KCNIP4: variants seen among roughly 807,000 people sequenced by gnomAD.
KCNIP4 encodes the protein Kv channel-interacting protein 4.
A neutral mutation model predicts 34.0 loss-of-function variants in KCNIP4; 12 were observed. The ratio of observed to expected loss-of-function variants is 0.35; its 90% CI spans 0.23 to 0.57. The LOEUF is 0.57. KCNIP4 is among the 20% of genes least tolerant of loss of function. KCNIP4 has a pLI of 0.83. For missense variants in KCNIP4, 238 were observed against 311.7 expected (o/e 0.76, Z 1.78); for synonymous variants, 124 against 102.2 (o/e 1.21, Z -1.29).
intron 1 of KCNIP4, among the ~76,000 whole-genome samples, chr4:21,794,604 A>C (rs944687162): frequency 6.6e-6 from 1 of 152,088 alleles, no homozygotes; most frequent in African/African-American, 2.4e-5. Flanking sequence ...AAACTCACTG[A>C]GACAGCCGGG....
chr4:21,720,530 C>CCCCCA (rs1714743103), intron 1 of KCNIP4, among the ~76,000 whole-genome samples: 1 of 140,338 alleles, frequency 7.1e-6, no homozygotes, highest in African/African-American at 2.6e-5. Context: ...TGTTTTTTTT[C>CCCCCA]TTTTTTTTTT....
intron 1 of KCNIP4, among the ~76,000 whole-genome samples, chr4:21,486,142 T>TC (rs1731890391): frequency 6.6e-6 from 1 of 152,210 alleles, no homozygotes; most frequent in Non-Finnish European, 1.5e-5. Flanking sequence ...TTATTTACTT[T>TC]TTTAAAAATG....
chr4:21,207,734 G>A (rs552797211), intron 1 of KCNIP4, among the ~76,000 whole-genome samples: 4 of 151,666 alleles, frequency 2.6e-5, no homozygotes, highest in Admixed American at 2.6e-4. Context: ...ATGATTACAT[G>A]ACAGGAAGTC....
At chr4:21,768,309 GCT>G (rs765209270) in intron 1 of KCNIP4, among the ~76,000 whole-genome samples, 3 of 152,070 alleles carry the variant, frequency 2.0e-5, no homozygotes, top group Non-Finnish European at 2.9e-5. Context: ...TATAGATTCT[GCT>G]CTCTCTCTAA....
Position 21,738,754 on chromosome 4 carries a change from T to C in KCNIP4, c.61+209817A>G, listed in dbSNP as rs116337353. ...CAAGGTCTATGCATTTGTCTGGCCA[T>C]TTCCCCTGTCTTCCCCACTTTCTTC... On this transcript the variant is annotated intron_variant, in intron 1 of 8. Coordinates refer to ENST00000382152, the MANE Select transcript of KCNIP4 (RefSeq NM_025221.6). Among the ~76,000 whole-genome samples the C allele has an allele frequency of 3.6e-3, 549 of 152,250 alleles. 2 individuals are homozygous for C. The highest frequency in any genetic ancestry group is 0.013 in the African/African-American group (520 of 41,556).
At chr4:21,576,668 T>A (rs1411201654) in intron 1 of KCNIP4, among the ~76,000 whole-genome samples, 1 of 152,186 alleles carries the variant, frequency 6.6e-6, no homozygotes, top group Non-Finnish European at 1.5e-5. Flanking sequence ...GACTTCAAAG[T>A]AATTTAAATT....
chr4:21,293,860 A>G (rs1442283399), intron 1 of KCNIP4, among the ~76,000 whole-genome samples: 1 of 152,138 alleles, frequency 6.6e-6, no homozygotes, highest in Non-Finnish European at 1.5e-5. Flanking sequence ...CTGTAGCTTA[A>G]TCTTCATTTA....
intron 1 of KCNIP4, among the ~76,000 whole-genome samples, chr4:21,780,255 A>C (rs1004570752): frequency 1.3e-5 from 2 of 152,192 alleles, no homozygotes; most frequent in African/African-American, 4.8e-5. Flanking sequence ...AGGCAGTACA[A>C]CACCAGGAAG....
At chr4:21,861,843 C>T (rs1463055391) in intron 1 of KCNIP4, among the ~76,000 whole-genome samples, 1 of 152,112 alleles carries the variant, frequency 6.6e-6, no homozygotes, top group Non-Finnish European at 1.5e-5. Context: ...GGTCATGTCA[C>T]TTTTCTGCTC....
At chr4:20,836,651 A>G (rs541780441) in intron 3 of KCNIP4, among the ~76,000 whole-genome samples, 95 of 152,200 alleles carry the variant, frequency 6.2e-4, no homozygotes, top group Admixed American at 2.7e-3. Context: ...CAACTGATTG[A>G]GTGAGCCCCA....
At chr4:21,925,255 C>A (rs184083834) in intron 1 of KCNIP4, among the ~76,000 whole-genome samples, 74 of 142,548 alleles carry the variant, frequency 5.2e-4, no homozygotes, top group Non-Finnish European at 8.9e-4. Context: ...CACAACAGTC[C>A]CTGGTGTGTG....
rs1048486829 is a variant in KCNIP4 at position 20,864,225 on chromosome 4, T to C, written c.164-13558A>G. Among the ~76,000 whole-genome samples the C allele has an allele frequency of 7.7e-4, 114 of 147,182 alleles. 1 individual carries two copies. The highest frequency in any genetic ancestry group is 5.3e-4 in the African/African-American group (21 of 39,538). ...GTACACACATGCATGTATATATGCATATATATGTACACATATGTATGTATA... is the reference window on the plus strand; with the variant it reads ...GTACACACATGCATGTATATATGCACATATATGTACACATATGTATGTATA... On this transcript the variant is annotated intron_variant, in intron 2 of 8. Coordinates refer to ENST00000382152, the MANE Select transcript of KCNIP4 (RefSeq NM_025221.6).
intron 3 of KCNIP4, among the ~76,000 whole-genome samples, chr4:20,794,184 A>T (rs928934660): frequency 6.6e-6 from 1 of 152,122 alleles, no homozygotes; most frequent in Non-Finnish European, 1.5e-5. Context: ...TCTCGGGTAT[A>T]TCTTTATCAG....
chr4:21,695,354 G>A (rs1430186502), intron 1 of KCNIP4, among the ~76,000 whole-genome samples: 1 of 151,850 alleles, frequency 6.6e-6, no homozygotes, highest in Non-Finnish European at 1.5e-5. Flanking sequence ...ACATTTCTCA[G>A]GTCATAAATC....
chr4:21,215,376 C>T (rs1757484445), intron 1 of KCNIP4, among the ~76,000 whole-genome samples: 1 of 152,144 alleles, frequency 6.6e-6, no homozygotes, highest in Non-Finnish European at 1.5e-5. Flanking sequence ...ATCTACACTT[C>T]TTTGAGATTT....
At position 20,994,934 on chromosome 4, in the gene KCNIP4, G is replaced by A. The variant is rs185039168; in HGVS notation, c.62-112225C>T. Among the ~76,000 whole-genome samples, 34 of 152,296 alleles carry A rather than the reference G, an allele frequency of 2.2e-4. 1 individual carries two copies. The East Asian group carries it at 5.4e-3, about 24-fold the overall frequency. ...AATGGGGGGCTTTATCCTTTGAAGAGCCATAAGACACTTTCTCCTAACACT... is the reference window on the plus strand; with the variant it reads ...AATGGGGGGCTTTATCCTTTGAAGAACCATAAGACACTTTCTCCTAACACT... On this transcript the variant is annotated intron_variant, in intron 1 of 8. Transcript: ENST00000382152.
chr4:21,756,193 A>ATCTTTAGATGGTT (rs1308806462), intron 1 of KCNIP4, among the ~76,000 whole-genome samples: 5 of 152,280 alleles, frequency 3.3e-5, no homozygotes, highest in Non-Finnish European at 7.4e-5. Context: ...GCCAGTTTAG[A>ATCTTTAGATGGTT]TCTTTAGATG....
At chr4:21,711,125 C>T (rs1324495721) in intron 1 of KCNIP4, among the ~76,000 whole-genome samples, 1 of 152,050 alleles carries the variant, frequency 6.6e-6, no homozygotes, top group Non-Finnish European at 1.5e-5. Flanking sequence ...GGGTAGATTT[C>T]GTTTGTATAA....
chr4:21,158,626 A>C (rs1347240), intron 1 of KCNIP4, among the ~76,000 whole-genome samples: 31,959 of 152,050 alleles, frequency 0.21, 3,647 homozygotes, highest in African/African-American at 0.29. Context: ...AATCAAGAAC[A>C]AAAGGAAACT....
Sources: allele counts gnomAD v4.1 joint callset (sites outside exome capture counted in the v4.1 genomes callset), GRCh38; gene constraint gnomAD v4.1.1; transcripts MANE v1.5; gene names NCBI Gene and HGNC (gene_info 2026-07-23, HGNC 2026-07-21).